Variants in BRPF3 observed in about 807,000 individuals in gnomAD.
BRPF3 encodes bromodomain and PHD finger-containing protein 3.
Under a neutral mutation model 102.0 loss-of-function variants are expected in BRPF3, and 18 were observed. The observed-to-expected ratio is 0.18, with a 90% confidence interval of 0.12 to 0.26. BRPF3 has a LOEUF of 0.26. Among genes scored for constraint, BRPF3 ranks in the 10% least tolerant of loss-of-function variants. The pLI, the probability that BRPF3 is intolerant of heterozygous loss-of-function variation, is 1.00. For synonymous variants in BRPF3, 570 were observed against 614.2 expected, an observed-to-expected ratio of 0.93 and a Z score of 1.06; for missense variants, 1,147 against 1,567.8, an observed-to-expected ratio of 0.73 and a Z score of 4.53.
At chr6:36,221,816 G>A (rs1010512584) in intron 9 of BRPF3, among the ~76,000 whole-genome samples, 1 of 152,222 alleles carries the variant, frequency 6.6e-6, no homozygotes, top group African/African-American at 2.4e-5. Context: ...ATTCTGGGCA[G>A]ATGTAAGATG....
intron 11 of BRPF3, among the ~76,000 whole-genome samples, chr6:36,226,227 A>C (rs1768735561): frequency 6.6e-6 from 1 of 152,236 alleles, no homozygotes; most frequent in Non-Finnish European, 1.5e-5. Flanking sequence ...GGCAAAGTCT[A>C]TGCAGAATTC....
At position 36,230,405 on chromosome 6, in the gene BRPF3, C is replaced by T; in HGVS notation, c.3435-21C>T. The T allele has an allele frequency of 6.2e-7, 1 of 1,613,032 alleles. No homozygotes were observed. The highest frequency in any genetic ancestry group is 1.1e-5 in the South Asian group (1 of 90,898). ...TGTGAGACCCACTACTGCCCAGCCT[C>T]TTACTGTGCTTGCATTTCAGGCAGT... On this transcript the variant is annotated intron_variant, in intron 12 of 12. Transcript: ENST00000357641. This position sits in a 1 kb window ranked among gnomAD's most constrained non-coding sequence, Gnocchi z 5.4.
At chr6:36,199,698 A>G (rs555461605) in intron 1 of BRPF3, among the ~76,000 whole-genome samples, 69 of 152,362 alleles carry the variant, frequency 4.5e-4, no homozygotes, top group African/African-American at 1.5e-3. Context: ...GCTGTCGCCC[A>G]GCTTTATGTA....
intron 7 of BRPF3, among the ~76,000 whole-genome samples, chr6:36,212,871 T>A (rs1416619157): frequency 6.6e-6 from 1 of 151,658 alleles, no homozygotes; most frequent in Admixed American, 6.6e-5. Flanking sequence ...GAGAATGGCG[T>A]GAACCCGGGA....
intron 11 of BRPF3, among the ~76,000 whole-genome samples, chr6:36,227,878 C>G (rs779846911): frequency 6.6e-6 from 1 of 152,188 alleles, no homozygotes; most frequent in Non-Finnish European, 1.5e-5. Flanking sequence ...AATTGGCAGA[C>G]AAGCAAAGGT....
At position 36,209,907 on chromosome 6, in the gene BRPF3, T is replaced by A; in HGVS notation, c.1858T>A (p.Leu620Met). The A allele has an allele frequency of 6.2e-7, 1 of 1,614,042 alleles. No individual in the cohort carries two copies. Among genetic ancestry groups the A allele is most frequent in the Non-Finnish European group, 8.5e-7 (1 of 1,179,970 alleles). The change falls in exon 5 of 13, where the codon TTG becomes ATG. Residue 620 changes from leucine to methionine, a missense_variant. This residue lies in a region of BRPF3 where 109 missense variants were observed against 175.1 expected (regional missense o/e 0.62). Coordinates refer to ENST00000357641, the MANE Select transcript of BRPF3 (RefSeq NM_015695.3). ...ACACATCTTCGCAGAACCAGTCAACTTGAGTGAGGCAAGTTCCCCCTACTT... is the reference window on the plus strand; with the variant it reads ...ACACATCTTCGCAGAACCAGTCAACATGAGTGAGGCAAGTTCCCCCTACTT... ...PAHIFAEPVN[L>M]SEVPDYLEFI...
chr6:36,200,743 A>C lies in BRPF3; in HGVS notation c.421A>C (p.Ile141Leu). The C allele has an allele frequency of 8.1e-6, 13 of 1,614,194 alleles. No individual in the cohort carries two copies. Among genetic ancestry groups the C allele is most frequent in the Middle Eastern group, 1.6e-4 (1 of 6,062 alleles). Residue 141 changes from isoleucine (I) to leucine (L), a missense_variant, in exon 2 of 13, where the codon ATT (isoleucine) becomes CTT (leucine). By Grantham distance (5) the Ile-to-Leu change is conservative. Coordinates refer to ENST00000357641, the MANE Select transcript of BRPF3 (RefSeq NM_015695.3). This position sits in a 1 kb window ranked among gnomAD's most constrained non-coding sequence, Gnocchi z 5.3. ...PPLPAAYYRY[I>L]EKPPEDLDAE... Reference sequence around the variant, plus strand: ...GCTGCCTGCTGCCTACTACCGCTACATTGAGAAGCCACCTGAAGACCTGGA... The same window carrying C: ...GCTGCCTGCTGCCTACTACCGCTACCTTGAGAAGCCACCTGAAGACCTGGA...
chr6:36,223,754 A>G (rs1768634853), intron 10 of BRPF3, among the ~76,000 whole-genome samples: 2 of 152,160 alleles, frequency 1.3e-5, no homozygotes, highest in South Asian at 4.1e-4. Flanking sequence ...TTAGCATTAT[A>G]TGTAATGTAG....
chr6:36,199,707 T>A (rs1325836477), intron 1 of BRPF3, among the ~76,000 whole-genome samples: 1 of 152,248 alleles, frequency 6.6e-6, no homozygotes, highest in African/African-American at 2.4e-5. Context: ...CAGCTTTATG[T>A]ACATCATTAG....
rs1767716563 is a variant in BRPF3, at chr6:36,201,828, G to C, written c.1448+58G>C. On this transcript the variant is annotated intron_variant, in intron 2 of 12. Transcript: ENST00000357641. This position sits in a 1 kb window ranked among gnomAD's most constrained non-coding sequence, Gnocchi z 5.1. ...CATGGTTTCTTCTTGGGTTGGTGTT[G>C]GCCCTGTGCCAGGCCTTCGCTAAAC... The C allele has an allele frequency of 2.6e-6, 4 of 1,528,926 alleles. No individual in the cohort carries two copies. The highest frequency in any genetic ancestry group is 3.5e-6 in the Non-Finnish European group (4 of 1,140,872). 94.7% of individuals were successfully genotyped at this position (1,528,926 alleles called of 1,614,324 possible).
intron 1 of BRPF3, among the ~76,000 whole-genome samples, chr6:36,199,295 A>G: frequency 6.6e-6 from 1 of 152,154 alleles, no homozygotes; most frequent in East Asian, 1.9e-4. Flanking sequence ...CATGCTCCTT[A>G]TGAGAATCTG....
At chr6:36,218,780 C>T (rs1219587830) in intron 9 of BRPF3, among the ~76,000 whole-genome samples, 1 of 152,128 alleles carries the variant, frequency 6.6e-6, no homozygotes, top group African/African-American at 2.4e-5. Context: ...TTTATTCAGA[C>T]AAAGGCCCCA....
At chr6:36,213,215 G>T (rs753905712) in intron 7 of BRPF3, among the ~76,000 whole-genome samples, 8 of 151,906 alleles carry the variant, frequency 5.3e-5, no homozygotes, top group African/African-American at 1.2e-4. Flanking sequence ...TTTGTGTAGA[G>T]CAATGGTTTG....
chr6:36,227,701 T>A (rs1768791787), intron 11 of BRPF3, among the ~76,000 whole-genome samples: 1 of 152,144 alleles, frequency 6.6e-6, no homozygotes. Context: ...GTATGGTGGT[T>A]CTCCTTAAGA....
At chr6:36,202,069 A>G (rs1038588507) in intron 2 of BRPF3, among the ~76,000 whole-genome samples, 1 of 152,182 alleles carries the variant, frequency 6.6e-6, no homozygotes, top group Non-Finnish European at 1.5e-5. Flanking sequence ...TTTGGACAGG[A>G]TAATTCTTCG....
At position 36,214,384 on chromosome 6, in the gene BRPF3, C is replaced by G. The variant is rs1486147476; in HGVS notation, c.2987C>G (p.Thr996Arg). 1 of 1,564,450 alleles carries G rather than the reference C, an allele frequency of 6.4e-7. No individual in the cohort carries two copies. The highest frequency in any genetic ancestry group is 1.9e-5 in the Admixed American group (1 of 53,082). Reference sequence around the variant, plus strand: ...AGGTCCCCCCAGCAGGAGGAAGAGACAGGTGACCCTGCCTGTGACTTCTCT... The same window carrying G: ...AGGTCCCCCCAGCAGGAGGAAGAGAGAGGTGACCCTGCCTGTGACTTCTCT... The part of the protein sequence containing the change: ...GERSPQQEEE[T>R]GMTNGFGKHT... The change falls in exon 8 of 13, where the codon ACA becomes AGA. Residue 996 changes from threonine (T) to arginine (R), a missense_variant and splice_region_variant. By Grantham distance (71) the Thr-to-Arg change is moderately conservative. Coordinates refer to ENST00000357641, the MANE Select transcript of BRPF3 (RefSeq NM_015695.3).
chr6:36,220,823 T>C (rs1196660857), intron 9 of BRPF3, among the ~76,000 whole-genome samples: 4 of 152,202 alleles, frequency 2.6e-5, no homozygotes, highest in African/African-American at 9.7e-5. Flanking sequence ...AAAATTATGA[T>C]TCATTGGGTT....
chr6:36,209,715 C>G, intron 4 of BRPF3, 72 bp from the exon 5 acceptor site: 1 of 1,545,536 alleles, frequency 6.5e-7, no homozygotes, highest in Non-Finnish European at 8.7e-7. Flanking sequence ...AAAAGTCAAA[C>G]TATCAAGAAA....
chr6:36,201,704 A>G lies in BRPF3; in HGVS notation c.1382A>G (p.Glu461Gly). The change falls in exon 2 of 13, where the codon GAG (glutamate) becomes GGG (glycine). Residue 461 changes from glutamate to glycine, a missense_variant. Coordinates refer to ENST00000357641, the MANE Select transcript of BRPF3 (RefSeq NM_015695.3). This position sits in a 1 kb window ranked among gnomAD's most constrained non-coding sequence, Gnocchi z 5.1. The part of the protein sequence containing the change: ...SLKQKIKKEP[E>G]EAGQDTPSTL... ...AAGCAGAAGATCAAGAAGGAGCCAGAGGAAGCAGGCCAAGACACACCCTCC... is the reference window on the plus strand; with the variant it reads ...AAGCAGAAGATCAAGAAGGAGCCAGGGGAAGCAGGCCAAGACACACCCTCC... 1 of 1,614,130 alleles carries G rather than the reference A, an allele frequency of 6.2e-7. No individual in the cohort carries two copies. The highest frequency in any genetic ancestry group is 1.7e-5 in the Admixed American group (1 of 60,018).
Sources: gnomAD v4.1 joint callset for allele counts (sites outside exome capture counted in the v4.1 genomes callset) on GRCh38, gnomAD v4.1.1 for gene constraint, gnomAD v4.1.1 regional missense constraint, Gnocchi (gnomAD v3.1) non-coding constraint, MANE v1.5 for transcripts, NCBI Gene and HGNC (gene_info 2026-07-23, HGNC 2026-07-21) for gene names.